The following LSAMP variants were observed in gnomAD, a reference collection of about 807,000 sequenced individuals.
The protein encoded by LSAMP is limbic system associated membrane protein.
In LSAMP, 7 loss-of-function variants were observed where a neutral mutation model predicts 38.6. The ratio of observed to expected loss-of-function variants is 0.18; its 90% confidence interval spans 0.10 to 0.34. The LOEUF (loss-of-function observed/expected upper bound fraction) is 0.34. Among genes scored for constraint, LSAMP ranks in the 10% least tolerant of loss-of-function variants. The pLI, the probability that LSAMP is intolerant of heterozygous loss-of-function variation, is 1.00. For synonymous variants in LSAMP, 154 were observed against 166.8 expected (o/e 0.92, Z 0.59); for missense variants, 313 against 420.0 (o/e 0.75, Z 2.23).
intron 2 of LSAMP, among the ~76,000 whole-genome samples, chr3:116,069,474 A>C (rs954337759): frequency 6.6e-6 from 1 of 152,212 alleles, no homozygotes; most frequent in Non-Finnish European, 1.5e-5. Context: ...AAAATGACAG[A>C]GCTATATGTC....
intron 1 of LSAMP, among the ~76,000 whole-genome samples, chr3:116,250,859 ACT>A (rs1179680135): frequency 1.3e-5 from 2 of 152,124 alleles, no homozygotes; most frequent in African/African-American, 4.8e-5. Flanking sequence ...ACAGAGTGAG[ACT>A]CTGTCTCAAA....
chr3:116,421,499 G>A (rs567024002), intron 1 of LSAMP, among the ~76,000 whole-genome samples: 9 of 150,908 alleles, frequency 6.0e-5, no homozygotes, highest in African/African-American at 1.2e-4. Flanking sequence ...AACTGAGATC[G>A]TGCCATTGCA....
At chr3:116,286,599 C>T (rs1483900563) in intron 1 of LSAMP, among the ~76,000 whole-genome samples, 1 of 152,060 alleles carries the variant, frequency 6.6e-6, no homozygotes, top group Non-Finnish European at 1.5e-5. Context: ...CTTTTTATCC[C>T]TTTCATTTTT....
intron 3 of LSAMP, among the ~76,000 whole-genome samples, chr3:115,930,767 T>G (rs1046429991): frequency 6.6e-5 from 10 of 152,058 alleles, no homozygotes; most frequent in African/African-American, 2.2e-4. Context: ...GAGAGGAGAT[T>G]AACAGCAATT....
intron 3 of LSAMP, among the ~76,000 whole-genome samples, chr3:115,952,161 T>C (rs1184414504): frequency 1.3e-5 from 2 of 152,148 alleles, no homozygotes; most frequent in Non-Finnish European, 2.9e-5. Context: ...AGTATAGACA[T>C]TCCTTAAAGA....
chr3:116,293,951 A>T (rs993185307), intron 1 of LSAMP, among the ~76,000 whole-genome samples: 1 of 152,150 alleles, frequency 6.6e-6, no homozygotes, highest in Admixed American at 6.5e-5. Context: ...TATATACTAT[A>T]TACTACATGT....
chr3:116,260,707 T>A (rs1252916152), intron 1 of LSAMP, among the ~76,000 whole-genome samples: 2 of 152,314 alleles, frequency 1.3e-5, no homozygotes, highest in East Asian at 3.9e-4. Flanking sequence ...GGTTTCTAAC[T>A]CTGGCTCCCT....
chr3:116,426,808 G>A (rs1471263175), intron 1 of LSAMP, among the ~76,000 whole-genome samples: 3 of 151,830 alleles, frequency 2.0e-5, no homozygotes, highest in African/African-American at 7.3e-5. Context: ...GCATAGTGAG[G>A]TTATACGTAA....
At chr3:116,126,884 A>G (rs1173205064) in intron 1 of LSAMP, among the ~76,000 whole-genome samples, 4 of 152,128 alleles carry the variant, frequency 2.6e-5, no homozygotes, top group Non-Finnish European at 5.9e-5. Context: ...AAAACAAAAG[A>G]ATCCAGCTAG....
At chr3:116,275,627 G>A (rs2047040813) in intron 1 of LSAMP, among the ~76,000 whole-genome samples, 2 of 151,964 alleles carry the variant, frequency 1.3e-5, no homozygotes, top group Non-Finnish European at 2.9e-5. Context: ...GAAAAATTGT[G>A]AAAGCCAAAT....
rs1315154292 is a variant in LSAMP at position 116,273,753 on chromosome 3, T to G, written c.155+171124A>C. ...ATATGTATACATATGTATATATATA[T>G]AAAATTTTTATTTTGAATTATGTAA... On this transcript the variant is annotated intron_variant, in intron 1 of 6. Coordinates refer to ENST00000490035, the MANE Select transcript of LSAMP (RefSeq NM_002338.5). 1.6e-4 allele frequency among the ~76,000 whole-genome samples: 23 copies of G among 142,490 alleles called. No homozygotes were observed. The Admixed American group carries it at 1.6e-3, about 10-fold the overall frequency. The allele number at this position is 142,490 out of a possible 152,430, so 93.5% of individuals were successfully genotyped here.
At chr3:116,190,957 A>T (rs539536601) in intron 1 of LSAMP, among the ~76,000 whole-genome samples, 1 of 152,210 alleles carries the variant, frequency 6.6e-6, no homozygotes, top group Admixed American at 6.5e-5. Context: ...GGCTGTGTCA[A>T]ATTTAGTTTT....
intron 1 of LSAMP, among the ~76,000 whole-genome samples, chr3:116,164,564 C>CTAATCCAAATATATATATATATATATA (rs1709983748): frequency 4.1e-5 from 2 of 48,942 alleles, no homozygotes; most frequent in African/African-American, 5.9e-5. Context: ...CATGGGGTCA[C>CTAATCCAAATATATATATATATATATA]TAATCCAAAT....
chr3:116,386,346 T>C (rs556981791), intron 1 of LSAMP, among the ~76,000 whole-genome samples: 2 of 152,162 alleles, frequency 1.3e-5, no homozygotes, highest in East Asian at 1.9e-4. Flanking sequence ...ATCTCCTACC[T>C]CCAAAATTCA....
At chr3:115,959,671 C>T (rs1389156656) in intron 3 of LSAMP, among the ~76,000 whole-genome samples, 1 of 152,140 alleles carries the variant, frequency 6.6e-6, no homozygotes, top group African/African-American at 2.4e-5. Flanking sequence ...GTAACTGTGC[C>T]TATCTCACAG....
intron 3 of LSAMP, among the ~76,000 whole-genome samples, chr3:115,899,117 C>T (rs1936805477): frequency 6.6e-6 from 1 of 152,090 alleles, no homozygotes; most frequent in Non-Finnish European, 1.5e-5. Context: ...AACACACACA[C>T]ATAACTAAGG....
At chr3:116,108,117 T>A (rs1042268481) in intron 1 of LSAMP, among the ~76,000 whole-genome samples, 4 of 152,064 alleles carry the variant, frequency 2.6e-5, no homozygotes, top group African/African-American at 9.7e-5. Flanking sequence ...AAGGGGTGCA[T>A]GATCGGTCGC....
intron 1 of LSAMP, among the ~76,000 whole-genome samples, chr3:116,252,685 T>C (rs1016173682): frequency 1.3e-5 from 2 of 152,246 alleles, no homozygotes; most frequent in African/African-American, 2.4e-5. Context: ...TTCAGCATTA[T>C]GAACGTGAAT....
At chr3:115,898,932 A>C (rs1936800180) in intron 3 of LSAMP, among the ~76,000 whole-genome samples, 1 of 152,136 alleles carries the variant, frequency 6.6e-6, no homozygotes, top group African/African-American at 2.4e-5. Flanking sequence ...TGCAGTGGCC[A>C]AGGGGCTGTC....
Sources: allele counts gnomAD v4.1 joint callset (sites outside exome capture counted in the v4.1 genomes callset), GRCh38; gene constraint gnomAD v4.1.1; transcripts MANE v1.5; gene names NCBI Gene and HGNC (gene_info 2026-07-23, HGNC 2026-07-21).